Variants in KATNIP observed in about 807,000 individuals in gnomAD.
KATNIP encodes the protein katanin-interacting protein.
In KATNIP, 126 loss-of-function variants were observed where a neutral mutation model predicts 174.0. The observed-to-expected ratio is 0.72, with a 90% CI of 0.63 to 0.84. The LOEUF is 0.84. Ranked by LOEUF, KATNIP falls within the 40% of genes least tolerant of loss-of-function variation. The probability of loss-of-function intolerance (pLI) is 0.00; values close to 1 mark genes in which losing one functional copy is unlikely to be tolerated. For missense variants in KATNIP, 1,958 were observed against 2,109.7 expected (o/e 0.93, Z 1.41); for synonymous variants, 810 against 835.7 (o/e 0.97, Z 0.53).
chr16:27,599,555 C>T (rs1171788663), intron 2 of KATNIP, among the ~76,000 whole-genome samples: 1 of 152,170 alleles, frequency 6.6e-6, no homozygotes, highest in Non-Finnish European at 1.5e-5. Context: ...TCCTTATAGA[C>T]CCTCTCCCTT....
intron 8 of KATNIP, among the ~76,000 whole-genome samples, chr16:27,689,840 C>T (rs1021590852): frequency 2.0e-5 from 3 of 152,106 alleles, no homozygotes; most frequent in Non-Finnish European, 4.4e-5. Flanking sequence ...ACATGTCTGG[C>T]AGTTTTGTTT....
intron 6 of KATNIP, among the ~76,000 whole-genome samples, chr16:27,673,916 A>G (rs977763177): frequency 1.6e-4 from 24 of 152,312 alleles, no homozygotes; most frequent in Non-Finnish European, 2.8e-4. Context: ...CCAGTCATCA[A>G]TGGAATCTAT....
chr16:27,677,528 A>G (rs902945055), intron 6 of KATNIP, among the ~76,000 whole-genome samples: 5 of 151,022 alleles, frequency 3.3e-5, no homozygotes, highest in African/African-American at 1.2e-4. Flanking sequence ...TATTAACAAC[A>G]TTGCTCTGTC....
chr16:27,698,248 C>T (rs974428340), intron 8 of KATNIP, 80 bp from the exon 9 acceptor site: 3 of 1,377,146 alleles, frequency 2.2e-6, no homozygotes, highest in Admixed American at 4.5e-5. Flanking sequence ...TAGAATGTTC[C>T]TCAATTGGGG....
At chr16:27,601,385 T>C (rs1171818744) in intron 2 of KATNIP, among the ~76,000 whole-genome samples, 1 of 152,040 alleles carries the variant, frequency 6.6e-6, no homozygotes, top group Non-Finnish European at 1.5e-5. Flanking sequence ...GAAGAGGGGA[T>C]GCTGCTAAAC....
intron 2 of KATNIP, among the ~76,000 whole-genome samples, chr16:27,604,336 C>T (rs1250211659): frequency 2.6e-5 from 4 of 152,250 alleles, no homozygotes; most frequent in African/African-American, 7.2e-5. Flanking sequence ...TGGACTCAAG[C>T]GATCCTCCCA....
intron 13 of KATNIP, among the ~76,000 whole-genome samples, chr16:27,719,546 T>C (rs1023413717): frequency 2.0e-5 from 3 of 149,230 alleles, no homozygotes; most frequent in Non-Finnish European, 4.5e-5. Context: ...AAATTTTGTA[T>C]TTTTTTTTTC....
chr16:27,775,048 C>T lies in KATNIP; in HGVS notation c.4413C>T (p.Gly1471=). 6.2e-7 allele frequency: 1 copy of T among 1,613,124 alleles called. No homozygotes were observed. Among genetic ancestry groups the T allele is most frequent in the Non-Finnish European group, 8.5e-7 (1 of 1,179,742 alleles). Residue 1471 remains glycine (G), a synonymous_variant, in exon 24 of 28, where the codon GGC becomes GGT. Transcript: ENST00000261588. ...ACCAAGTGAACGACACCAGTGATGG[C>T]CGGCACATGTGGCTGGCTCCCATCC... ...LIDQVNDTSD[G]RHMWLAPILP... is the part of the protein sequence containing the mutation.
chr16:27,762,307 C>CTAA (rs902407620), intron 19 of KATNIP, among the ~76,000 whole-genome samples: 12 of 152,276 alleles, frequency 7.9e-5, no homozygotes, highest in Non-Finnish European at 1.8e-4. Context: ...AACAGCAATG[C>CTAA]TAATAATAAT....
At chr16:27,586,990 T>C (rs1224169834) in intron 2 of KATNIP, among the ~76,000 whole-genome samples, 1 of 151,712 alleles carries the variant, frequency 6.6e-6, no homozygotes, top group African/African-American at 2.4e-5. Flanking sequence ...CGTGCTTTAT[T>C]GAAGTCCTGG....
chr16:27,598,736 G>A (rs927224262), intron 2 of KATNIP, among the ~76,000 whole-genome samples: 4 of 152,328 alleles, frequency 2.6e-5, no homozygotes, highest in South Asian at 4.1e-4. Flanking sequence ...CTATCTAAGC[G>A]TTCCCAGGAT....
At chr16:27,698,225 G>A in intron 8 of KATNIP, 103 bp from the exon 9 acceptor site, 1 of 1,212,118 alleles carries the variant, frequency 8.3e-7, no homozygotes, top group South Asian at 1.6e-5. Context: ...GAGAGTATGG[G>A]CCAGTTGTTT....
chr16:27,717,497 T>C (rs1318857593), intron 13 of KATNIP, among the ~76,000 whole-genome samples: 1 of 150,716 alleles, frequency 6.6e-6, no homozygotes, highest in Non-Finnish European at 1.5e-5. Context: ...CCCTACTTGA[T>C]TTTTTTTTTC....
intron 5 of KATNIP, among the ~76,000 whole-genome samples, chr16:27,645,549 G>T (rs1466781918): frequency 6.6e-6 from 1 of 152,218 alleles, no homozygotes; most frequent in African/African-American, 2.4e-5. Flanking sequence ...CTAGATTGCT[G>T]CATCTTAGAG....
In KATNIP at chr16:27,642,739, C is replaced by G. The variant is rs145762041; in HGVS notation, c.409-5865C>G. On this transcript the variant is annotated intron_variant, in intron 5 of 27. Transcript: ENST00000261588. ...AGTCCAAAGGCCTCTATAGCCCAGG[C>G]TGGACACATTGTTTTTTAATTTTTA... Among the ~76,000 whole-genome samples, 318 of 151,538 alleles carry G rather than the reference C, an allele frequency of 2.1e-3. 1 individual carries two copies. Among genetic ancestry groups the G allele is most frequent in the African/African-American group, 7.4e-3 (304 of 41,340 alleles).
chr16:27,656,246 G>A (rs1439025996), intron 6 of KATNIP, among the ~76,000 whole-genome samples: 2 of 151,420 alleles, frequency 1.3e-5, no homozygotes, highest in Non-Finnish European at 2.9e-5. Flanking sequence ...GGCAACATAG[G>A]GAGACTCCAT....
At position 27,750,247 on chromosome 16, in the gene KATNIP, T is replaced by TA; in HGVS notation, c.3288dup (p.Asp1097ArgfsTer7). 6.2e-7 allele frequency: 1 copy of TA among 1,614,112 alleles called. No homozygotes were observed. Among genetic ancestry groups the TA allele is most frequent in the East Asian group, 2.2e-5 (1 of 44,872 alleles). Reference sequence around the variant, plus strand: ...GGCGTGAAGGACATCACAATGCTGTTAGACACCCAGTGCATCTTTGAAGGA... The same window carrying TA: ...GGCGTGAAGGACATCACAATGCTGTTAAGACACCCAGTGCATCTTTGAAGGA... On this transcript the variant is annotated frameshift_variant, in exon 16 of 28. Transcript: ENST00000261588. LOFTEE classifies it high-confidence loss of function.
Position 27,761,406 on chromosome 16 carries a change from G to A in KATNIP, c.3632-7G>A. On this transcript the variant is annotated splice_region_variant and splice_polypyrimidine_tract_variant and intron_variant, in intron 18 of 27. Coordinates refer to ENST00000261588, the MANE Select transcript of KATNIP (RefSeq NM_015202.5). The stretch of plus-strand genomic sequence containing the variant: ...GTGCTAATGGGCCACTTCTCTTCCT[G>A]TTGCAGGCCTTCAGCTGAATTTCAC... The A allele has an allele frequency of 6.2e-7, 1 of 1,603,830 alleles. No homozygotes were observed. The highest frequency in any genetic ancestry group is 8.5e-7 in the Non-Finnish European group (1 of 1,174,612).
chr16:27,682,843 T>A (rs983237781), intron 8 of KATNIP, among the ~76,000 whole-genome samples: 3 of 151,950 alleles, frequency 2.0e-5, no homozygotes, highest in Non-Finnish European at 4.4e-5. Context: ...CATTCATGGG[T>A]TAATGGATTA....
Sources: gnomAD v4.1 joint callset for allele counts (sites outside exome capture counted in the v4.1 genomes callset) on GRCh38, gnomAD v4.1.1 for gene constraint, MANE v1.5 for transcripts, NCBI Gene and HGNC (gene_info 2026-07-23, HGNC 2026-07-21) for gene names.